The following BNIPL variants were observed in gnomAD, a reference collection of about 807,000 sequenced individuals.
BNIPL encodes the protein BCL2 interacting protein like.
In BNIPL, 33 loss-of-function variants were observed where a neutral mutation model predicts 47.0. That is an observed-to-expected ratio of 0.70 (90% CI 0.53 to 0.94). BNIPL has a LOEUF of 0.94. Ranked by LOEUF, BNIPL falls within the 40% of genes least tolerant of loss-of-function variation. BNIPL has a pLI of 0.00. For missense variants in BNIPL, 404 were observed against 445.2 expected, an observed-to-expected ratio of 0.91 and a Z score of 0.83; for synonymous variants, 145 against 162.7, an observed-to-expected ratio of 0.89 and a Z score of 0.83.
chr1:151,045,905 A>T, intron 8 of BNIPL, 22 bp downstream of exon 8: 1 of 1,613,552 alleles, frequency 6.2e-7, no homozygotes. Flanking sequence ...AGGAACAAGG[A>T]CTCCTTTCTC....
chr1:151,045,527 C>T (rs1675985643), intron 7 of BNIPL: 1 of 386,716 alleles, frequency 2.6e-6, no homozygotes, highest in Non-Finnish European at 4.3e-6. Flanking sequence ...CCACTACACT[C>T]CAGCCCAGGC....
At chr1:151,036,810 C>G in intron 1 of BNIPL, 44 bp downstream of exon 1, 4 of 1,560,492 alleles carry the variant, frequency 2.6e-6, no homozygotes, top group Non-Finnish European at 3.5e-6. Flanking sequence ...AGTGAATAAA[C>G]AGTCCGGAGA....
chr1:151,037,529 C>G, intron 1 of BNIPL, 38 bp from the exon 2 acceptor site: 1 of 1,565,920 alleles, frequency 6.4e-7, no homozygotes, highest in Non-Finnish European at 8.7e-7. Context: ...ACCTACTATT[C>G]AGTTCCCTTG....
chr1:151,039,816 TA>T (rs1675756780), intron 4 of BNIPL, among the ~76,000 whole-genome samples: 1 of 152,196 alleles, frequency 6.6e-6, no homozygotes, highest in Non-Finnish European at 1.5e-5. Flanking sequence ...AGTGGTGTGA[TA>T]TAGGCTTACT....
At chr1:151,045,687 T>C in intron 7 of BNIPL, 110 bp from the exon 8 acceptor site, 1 of 1,550,324 alleles carries the variant, frequency 6.5e-7, no homozygotes, top group Non-Finnish European at 8.7e-7. Flanking sequence ...CAGATAAATC[T>C]AGAAACTAGA....
intron 7 of BNIPL, chr1:151,044,846 C>T: frequency 7.8e-7 from 1 of 1,289,870 alleles, no homozygotes; most frequent in Non-Finnish European, 1.0e-6. Context: ...GCCCCCTTTC[C>T]TTTTTTCGTC....
At chr1:151,040,897 G>A (rs1423810554) in intron 4 of BNIPL, among the ~76,000 whole-genome samples, 4 of 151,266 alleles carry the variant, frequency 2.6e-5, no homozygotes, top group African/African-American at 9.7e-5. Context: ...AAAAGCTAAA[G>A]AGGCTGGGTG....
At chr1:151,041,702 G>A (rs993353228) in intron 4 of BNIPL, among the ~76,000 whole-genome samples, 2 of 152,128 alleles carry the variant, frequency 1.3e-5, no homozygotes, top group African/African-American at 2.4e-5. Flanking sequence ...GGCTGGGCAC[G>A]GTGGCTCATG....
rs1675877215 is a variant in BNIPL, at chr1:151,042,891, G to A, written c.434-65G>A. ...TAGAGTAACAAACTAGGAATCTGAG[G>A]AAGTTACAAAAAACTGAAGGTAGGA... On this transcript the variant is annotated intron_variant, in intron 4 of 9. Coordinates refer to ENST00000368931, the MANE Select transcript of BNIPL (RefSeq NM_138278.4). 12 of 1,269,072 alleles carry A rather than the reference G, an allele frequency of 9.5e-6. No individual in the cohort carries two copies. The South Asian group carries it at 1.9e-4, about 20-fold the overall frequency. The allele number at this position is 1,269,072 out of a possible 1,614,324, so 78.6% of individuals were successfully genotyped here.
At chr1:151,044,847 T>C in intron 7 of BNIPL, 1 of 1,289,934 alleles carries the variant, frequency 7.8e-7, no homozygotes, top group Non-Finnish European at 1.0e-6. Flanking sequence ...CCCCCTTTCC[T>C]TTTTTCGTCC....
intron 4 of BNIPL, among the ~76,000 whole-genome samples, chr1:151,040,246 T>C (rs1488676324): frequency 6.6e-6 from 1 of 152,172 alleles, no homozygotes; most frequent in Non-Finnish European, 1.5e-5. Context: ...AATGGCACAA[T>C]CTTGCTCACT....
At chr1:151,045,266 CAAAAAAAAA>C (rs35529687) in intron 7 of BNIPL, among the ~76,000 whole-genome samples, 4 of 52,368 alleles carry the variant, frequency 7.6e-5, no homozygotes, top group Admixed American at 3.1e-4. Flanking sequence ...GATTCCATCT[CAAAAAAAAA>C]AAAAAAAAAA....
intron 4 of BNIPL, among the ~76,000 whole-genome samples, chr1:151,039,596 G>T (rs966638793): frequency 6.6e-5 from 10 of 152,262 alleles, no homozygotes; most frequent in Admixed American, 1.3e-4. Context: ...GTATGAGCAT[G>T]ACTATTTTAA....
intron 7 of BNIPL, chr1:151,044,891 T>C: frequency 7.8e-7 from 1 of 1,289,290 alleles, no homozygotes; most frequent in South Asian, 1.2e-5. Context: ...GTTTTATAAG[T>C]AATCTTGGTC....
At chr1:151,039,670 A>T (rs587602757) in intron 4 of BNIPL, among the ~76,000 whole-genome samples, 96 of 152,334 alleles carry the variant, frequency 6.3e-4, no homozygotes, top group Non-Finnish European at 1.1e-3. Context: ...AAGTAGAAAA[A>T]GGTCACATCA....
At chr1:151,037,727 G>A (rs1034344925) in intron 2 of BNIPL, 65 bp downstream of exon 2, 131 of 1,401,660 alleles carry the variant, frequency 9.3e-5, no homozygotes, top group Non-Finnish European at 1.2e-4. Context: ...AGGGGATGGC[G>A]CGGCGGCTCA....
rs1446233408 is a variant in BNIPL, at chr1:151,042,850, T to C, written c.434-106T>C. ...AAAAAAAAAAGAATCAAGGAAAAAA[T>C]TGAGTAATGACAGATTAGAGTAACA... On this transcript the variant is annotated intron_variant, in intron 4 of 9. Coordinates refer to ENST00000368931, the MANE Select transcript of BNIPL (RefSeq NM_138278.4). 2.9e-5 allele frequency: 26 copies of C among 910,192 alleles called. No homozygotes were observed. The Middle Eastern group carries it at 1.1e-3, about 38-fold the overall frequency. The allele number at this position is 910,192 out of a possible 1,614,324, so 56.4% of individuals were successfully genotyped here.
Position 151,038,558 on chromosome 1 carries a change from T to G in BNIPL, c.192T>G (p.Asp64Glu). The part of the protein sequence containing the change: ...TSEDPEDPKG[D>E]SQAAAGTPST... ...AAGATCCTGAAGACCCTAAAGGAGATTCACAGGCAGGTAGGTCAAGTAGAA... is the reference window on the plus strand; with the variant it reads ...AAGATCCTGAAGACCCTAAAGGAGAGTCACAGGCAGGTAGGTCAAGTAGAA... Residue 64 changes from aspartate (D) to glutamate (E), a missense_variant, in exon 3 of 10, where the codon GAT becomes GAG. By Grantham distance (45) the Asp-to-Glu change is conservative (BLOSUM62 2). Coordinates refer to ENST00000368931, the MANE Select transcript of BNIPL (RefSeq NM_138278.4). The G allele has an allele frequency of 6.2e-7, 1 of 1,613,584 alleles. No homozygotes were observed. The highest frequency in any genetic ancestry group is 2.2e-5 in the East Asian group (1 of 44,886).
chr1:151,046,056 T>C lies in BNIPL; in HGVS notation c.939-11T>C, dbSNP rs1676011595. On this transcript the variant is annotated splice_polypyrimidine_tract_variant and intron_variant, in intron 8 of 9. Coordinates refer to ENST00000368931, the MANE Select transcript of BNIPL (RefSeq NM_138278.4). ...AATACAAAACACAGTTGATTTATTC[T>C]CTCTTTTCAGTTCCAAATTCACACG... The C allele has an allele frequency of 6.2e-7, 1 of 1,614,188 alleles. No individual in the cohort carries two copies. The highest frequency in any genetic ancestry group is 1.3e-5 in the African/African-American group (1 of 75,040).
Sources: allele counts gnomAD v4.1 joint callset (sites outside exome capture counted in the v4.1 genomes callset), GRCh38; gene constraint gnomAD v4.1.1; transcripts MANE v1.5; gene names NCBI Gene and HGNC (gene_info 2026-07-23, HGNC 2026-07-21).